Variants in TUSC3 observed in about 807,000 individuals in gnomAD.
The protein encoded by TUSC3 is dolichyl-diphosphooligosaccharide--protein glycosyltransferase subunit TUSC3.
In TUSC3, 45 loss-of-function variants were observed where a neutral mutation model predicts 44.8. The observed-to-expected ratio is 1.00, with a 90% CI of 0.79 to 1.29. The LOEUF is 1.29. Ranked by LOEUF, TUSC3 falls within the 50% of genes most tolerant of loss-of-function variation. TUSC3 has a pLI of 0.00. For missense variants in TUSC3, 519 were observed against 437.9 expected, an observed-to-expected ratio of 1.19 and a Z score of -1.65; for synonymous variants, 212 against 152.9, an observed-to-expected ratio of 1.39 and a Z score of -2.85.
intron 1 of TUSC3, among the ~76,000 whole-genome samples, chr8:15,480,842 C>G (rs1277146662): frequency 6.6e-6 from 1 of 152,142 alleles, no homozygotes; most frequent in Non-Finnish European, 1.5e-5. Context: ...GTACTGGGAG[C>G]TAAGACTTCA....
intron 2 of TUSC3, among the ~76,000 whole-genome samples, chr8:15,521,431 A>T (rs1483497968): frequency 6.6e-6 from 1 of 152,176 alleles, no homozygotes; most frequent in East Asian, 1.9e-4. Flanking sequence ...CTTTACAAGG[A>T]TGTTTGTAAA....
At chr8:15,593,706 C>T (rs2129151505) in intron 1 of TUSC3, among the ~76,000 whole-genome samples, 1 of 152,112 alleles carries the variant, frequency 6.6e-6, no homozygotes, top group Middle Eastern at 3.4e-3. Flanking sequence ...TCATTTCTAC[C>T]ATTATATTGA....
intron 9 of TUSC3, among the ~76,000 whole-genome samples, chr8:15,756,263 A>G (rs901309355): frequency 6.6e-6 from 1 of 152,100 alleles, no homozygotes; most frequent in East Asian, 1.9e-4. Flanking sequence ...CTGCAGCTCT[A>G]GTTACCTCTC....
chr8:15,478,998 A>C (rs947021468), intron 1 of TUSC3, among the ~76,000 whole-genome samples: 2 of 152,038 alleles, frequency 1.3e-5, no homozygotes, highest in African/African-American at 4.8e-5. Flanking sequence ...ATGCTATCTC[A>C]TTTTGGTTTT....
intron 1 of TUSC3, among the ~76,000 whole-genome samples, chr8:15,425,792 C>A (rs571419903): frequency 6.6e-6 from 1 of 152,186 alleles, no homozygotes; most frequent in Non-Finnish European, 1.5e-5. Flanking sequence ...TTATTCCAAG[C>A]GGCCTGATGA....
chr8:15,514,156 G>A (rs1185489011), intron 2 of TUSC3, among the ~76,000 whole-genome samples: 2 of 152,086 alleles, frequency 1.3e-5, no homozygotes, highest in Non-Finnish European at 2.9e-5. Flanking sequence ...TGTCATTTAC[G>A]CCGCATTATT....
chr8:15,559,262 C>G (rs1454384650), intron 1 of TUSC3, among the ~76,000 whole-genome samples: 1 of 141,700 alleles, frequency 7.1e-6, no homozygotes, highest in Non-Finnish European at 1.6e-5. Flanking sequence ...TGTTATGTAC[C>G]CAGTAGTCAT....
At chr8:15,678,853 C>T (rs558870783) in intron 6 of TUSC3, among the ~76,000 whole-genome samples, 19 of 152,276 alleles carry the variant, frequency 1.2e-4, no homozygotes, top group Admixed American at 4.6e-4. Flanking sequence ...AGGTTTAGCT[C>T]CCACTTGTGA....
chr8:15,711,174 A>G (rs1360537439), intron 6 of TUSC3, among the ~76,000 whole-genome samples: 2 of 151,684 alleles, frequency 1.3e-5, no homozygotes, highest in African/African-American at 4.8e-5. Context: ...TTGGCAATAA[A>G]AAGTAATGAA....
chr8:15,441,271 G>A (rs1015385977), intron 1 of TUSC3, among the ~76,000 whole-genome samples: 3 of 152,088 alleles, frequency 2.0e-5, no homozygotes, highest in Non-Finnish European at 2.9e-5. Context: ...GTCGGGCATG[G>A]TGGCACGTGG....
intron 1 of TUSC3, among the ~76,000 whole-genome samples, chr8:15,569,099 AAC>A (rs1195002553): frequency 1.3e-5 from 2 of 152,168 alleles, no homozygotes; most frequent in South Asian, 2.1e-4. Flanking sequence ...AAAAATCAGT[AAC>A]AGTTTCCTTT....
At chr8:15,778,010 C>G in the TUSC3 span, among the ~76,000 whole-genome samples, 11 of 151,754 alleles carry the variant, frequency 7.2e-5, no homozygotes, top group East Asian at 2.1e-3. Flanking sequence ...CTCTCCTTGC[C>G]CCCTACCAAT....
intron 2 of TUSC3, among the ~76,000 whole-genome samples, chr8:15,485,672 T>C (rs779399618): frequency 3.3e-5 from 5 of 152,080 alleles, no homozygotes; most frequent in Non-Finnish European, 7.4e-5. Flanking sequence ...GAAGAGTATG[T>C]GTTGGGAATG....
At position 15,565,036 on chromosome 8, in the gene TUSC3, A is replaced by G. The variant is rs544191520; in HGVS notation, c.138+24468A>G. Among the ~76,000 whole-genome samples, 37 of 152,208 alleles carry G rather than the reference A, an allele frequency of 2.4e-4. No individual in the cohort carries two copies. The South Asian group carries it at 7.3e-3, about 30-fold the overall frequency. The stretch of plus-strand genomic sequence containing the variant: ...ATTGTTGCTGTAACAAATTATCACA[A>G]ATTTAGAGGCTTAAAACAACAGCAA... On this transcript the variant is annotated intron_variant, in intron 1 of 10. Coordinates refer to ENST00000503731, the MANE Select transcript of TUSC3 (RefSeq NM_006765.4).
At chr8:15,445,426 A>G (rs1800083026) in intron 1 of TUSC3, among the ~76,000 whole-genome samples, 1 of 152,128 alleles carries the variant, frequency 6.6e-6, no homozygotes, top group Non-Finnish European at 1.5e-5. Context: ...AAACATGTGA[A>G]CAAGGATCTC....
intron 10 of TUSC3, among the ~76,000 whole-genome samples, chr8:15,760,584 G>A (rs115574739): frequency 6.6e-6 from 1 of 151,970 alleles, no homozygotes; most frequent in African/African-American, 2.4e-5. Flanking sequence ...TTGGGGGGTG[G>A]GACGTCAACA....
intron 1 of TUSC3, among the ~76,000 whole-genome samples, chr8:15,619,166 A>G (rs1229550118): frequency 6.6e-6 from 1 of 152,208 alleles, no homozygotes; most frequent in Non-Finnish European, 1.5e-5. Flanking sequence ...TTCTCCCTTA[A>G]GGCAGTTGGG....
intron 6 of TUSC3, among the ~76,000 whole-genome samples, chr8:15,695,749 G>A (rs1354568211): frequency 6.6e-6 from 1 of 152,194 alleles, no homozygotes; most frequent in Non-Finnish European, 1.5e-5. Context: ...AGATGGAGAT[G>A]AGGAACATGT....
intron 2 of TUSC3, among the ~76,000 whole-genome samples, chr8:15,528,452 C>T (rs1381020167): frequency 2.6e-5 from 4 of 152,162 alleles, no homozygotes; most frequent in Non-Finnish European, 5.9e-5. Flanking sequence ...TTGAATCGGT[C>T]AATTGTACCC....
Sources: gnomAD v4.1 joint callset for allele counts (sites outside exome capture counted in the v4.1 genomes callset) on GRCh38, gnomAD v4.1.1 for gene constraint, MANE v1.5 for transcripts, NCBI Gene and HGNC (gene_info 2026-07-23, HGNC 2026-07-21) for gene names.